Variants in TMCC1 observed in about 807,000 individuals in gnomAD.
TMCC1 encodes the protein transmembrane and coiled-coil domains protein 1.
In TMCC1, 15 loss-of-function variants were observed where a neutral mutation model predicts 52.4. The ratio of observed to expected loss-of-function variants is 0.29; its 90% confidence interval spans 0.19 to 0.44. TMCC1 has a LOEUF of 0.44. Ranked by LOEUF, TMCC1 falls within the 20% of genes least tolerant of loss-of-function variation. TMCC1 has a pLI of 1.00. For missense variants in TMCC1, 503 were observed against 806.0 expected, an observed-to-expected ratio of 0.62 and a Z score of 4.55; for synonymous variants, 279 against 301.9, an observed-to-expected ratio of 0.92 and a Z score of 0.79.
intron 2 of TMCC1, among the ~76,000 whole-genome samples, chr3:129,870,090 T>A (rs925222835): frequency 2.0e-5 from 3 of 152,162 alleles, no homozygotes; most frequent in African/African-American, 7.2e-5. Context: ...CCTCAAAATA[T>A]GTTCTTGAAA....
In TMCC1 at chr3:129,703,785, C is replaced by T. The variant is rs74281806; in HGVS notation, c.577-32521G>A. ...TGAGGAGGAGAATTTGGGGAATTAG[C>T]TGAAGTTTAGGGTAAAGAAAATGAT... On this transcript the variant is annotated intron_variant, in intron 4 of 6. Coordinates refer to ENST00000393238, the MANE Select transcript of TMCC1 (RefSeq NM_001017395.5). Among the ~76,000 whole-genome samples, 34 of 152,206 alleles carry T rather than the reference C, an allele frequency of 2.2e-4. No homozygotes were observed. In the East Asian group the frequency reaches 6.6e-3, roughly 29 times the overall value.
At chr3:129,866,747 C>G (rs1046610193) in intron 2 of TMCC1, among the ~76,000 whole-genome samples, 9 of 152,004 alleles carry the variant, frequency 5.9e-5, no homozygotes, top group African/African-American at 2.2e-4. Flanking sequence ...ATAAGAAATT[C>G]AATACATTTG....
At chr3:129,836,638 C>T (rs1386213787) in intron 2 of TMCC1, among the ~76,000 whole-genome samples, 1 of 152,204 alleles carries the variant, frequency 6.6e-6, no homozygotes, top group African/African-American at 2.4e-5. Context: ...GCTAGACAGG[C>T]ACCTAAAAGC....
Position 129,709,497 on chromosome 3 carries a change from A to AAAAAAAAAAGAG in TMCC1, c.577-38234_577-38233insCTCTTTTTTTTT, listed in dbSNP as rs554837910. Reference sequence around the variant, plus strand: ...CTCAAAAAAAAAAAAAAAAAAAAAAAAGAGAGAGAGAGAGAAACTTTAAAT... The same window carrying AAAAAAAAAAGAG: ...CTCAAAAAAAAAAAAAAAAAAAAAAAAAAAAAAAAGAGAGAGAGAGAGAGAGAAACTTTAAAT... On this transcript the variant is annotated intron_variant, in intron 4 of 6. Coordinates refer to ENST00000393238, the MANE Select transcript of TMCC1 (RefSeq NM_001017395.5). Among the ~76,000 whole-genome samples, 11 of 64,074 alleles carry AAAAAAAAAAGAG rather than the reference A, an allele frequency of 1.7e-4. 3 individuals are homozygous for AAAAAAAAAAGAG. Among genetic ancestry groups the AAAAAAAAAAGAG allele is most frequent in the Admixed American group, 5.9e-4 (2 of 3,376 alleles). The allele number at this position is 64,074 out of a possible 152,430, so 42.0% of individuals were successfully genotyped here.
At chr3:129,889,921 T>TAAAA (rs3042659) in intron 1 of TMCC1, among the ~76,000 whole-genome samples, 1 of 134,930 alleles carries the variant, frequency 7.4e-6, no homozygotes, top group African/African-American at 2.7e-5. Context: ...GTAGCAAAGT[T>TAAAA]AAAAAAAAAA....
At chr3:129,689,059 C>T (rs549759465) in intron 4 of TMCC1, among the ~76,000 whole-genome samples, 2 of 152,280 alleles carry the variant, frequency 1.3e-5, no homozygotes, top group Admixed American at 6.5e-5. Context: ...TGTTTCTTCT[C>T]TTATTTTTCA....
Position 129,659,647 on chromosome 3 carries a change from C to G in TMCC1, c.1512-4544G>C, listed in dbSNP as rs543368501. Among the ~76,000 whole-genome samples the G allele has an allele frequency of 2.0e-5, 3 of 152,234 alleles. No homozygotes were observed. In the South Asian group the frequency reaches 6.2e-4, roughly 32 times the overall value. On this transcript the variant is annotated intron_variant, in intron 5 of 6. Coordinates refer to ENST00000393238, the MANE Select transcript of TMCC1 (RefSeq NM_001017395.5). ...AACACTTTTGAACCTTACAATAAAC[C>G]AATGTTTATCATAAGAAGGTTGCAA...
chr3:129,693,679 G>A (rs2047190145), intron 4 of TMCC1, among the ~76,000 whole-genome samples: 1 of 151,550 alleles, frequency 6.6e-6, no homozygotes, highest in African/African-American at 2.4e-5. Context: ...ATTTTTTGTG[G>A]CTATATGAGG....
Position 129,787,723 on chromosome 3 carries a change from G to A in TMCC1, c.576+40080C>T, listed in dbSNP as rs564301466. ...ATGCTTAATTTATCCAAAAAGAGAT[G>A]CATTTAAACAAGTTTTTAAAGTGTT... On this transcript the variant is annotated intron_variant, in intron 4 of 6. Coordinates refer to ENST00000393238, the MANE Select transcript of TMCC1 (RefSeq NM_001017395.5). Among the ~76,000 whole-genome samples, 7 of 152,226 alleles carry A rather than the reference G, an allele frequency of 4.6e-5. No homozygotes were observed. The East Asian group carries it at 1.4e-3, about 29-fold the overall frequency.
chr3:129,845,294 A>G (rs965735412), intron 2 of TMCC1, among the ~76,000 whole-genome samples: 2 of 152,150 alleles, frequency 1.3e-5, no homozygotes, highest in Non-Finnish European at 2.9e-5. Flanking sequence ...TTAAATATGA[A>G]CCAATAAGCA....
chr3:129,835,481 C>A (rs2059118617), intron 2 of TMCC1, among the ~76,000 whole-genome samples: 1 of 152,028 alleles, frequency 6.6e-6, no homozygotes. Context: ...AGAGATATAT[C>A]AAACAACATT....
intron 2 of TMCC1, among the ~76,000 whole-genome samples, chr3:129,854,002 C>T (rs561450482): frequency 2.0e-5 from 3 of 152,262 alleles, no homozygotes; most frequent in Admixed American, 2.0e-4. Context: ...AATGAGCCAC[C>T]ATTACCTATC....
intron 1 of TMCC1, among the ~76,000 whole-genome samples, chr3:129,887,912 A>T (rs2061792684): frequency 6.6e-6 from 1 of 152,248 alleles, no homozygotes; most frequent in African/African-American, 2.4e-5. Context: ...ATTAGGAGAT[A>T]AAGGTAGCTC....
chr3:129,831,419 C>T lies in TMCC1; in HGVS notation c.-131+1355G>A, dbSNP rs1167296778. 2.0e-5 allele frequency among the ~76,000 whole-genome samples: 3 copies of T among 152,086 alleles called. No individual in the cohort carries two copies. The East Asian group carries it at 5.8e-4, about 29-fold the overall frequency. ...AAAGGCAAAACTTACCTTAATCATA[C>T]CAGCACATAGCCTCACTTAGCATGC... is the stretch of plus-strand genomic sequence containing the variant. On this transcript the variant is annotated intron_variant, in intron 3 of 6. Coordinates refer to ENST00000393238, the MANE Select transcript of TMCC1 (RefSeq NM_001017395.5).
At chr3:129,711,826 T>TGA (rs1553840377) in intron 4 of TMCC1, among the ~76,000 whole-genome samples, 1 of 118,730 alleles carries the variant, frequency 8.4e-6, no homozygotes, top group Non-Finnish European at 1.7e-5. Flanking sequence ...CCGTCTCTAC[T>TGA]AAAAAAAAAA....
intron 4 of TMCC1, among the ~76,000 whole-genome samples, chr3:129,755,930 T>A (rs1352182644): frequency 6.6e-6 from 1 of 152,010 alleles, no homozygotes; most frequent in African/African-American, 2.4e-5. Flanking sequence ...AAACCCTGTC[T>A]CTCCTAAAAA....
intron 4 of TMCC1, among the ~76,000 whole-genome samples, chr3:129,818,502 A>G (rs1453994220): frequency 1.1e-4 from 3 of 27,698 alleles, no homozygotes; most frequent in Non-Finnish European, 1.9e-4. Flanking sequence ...AAAAGTTTTA[A>G]AGAAACTTTT....
intron 4 of TMCC1, among the ~76,000 whole-genome samples, chr3:129,823,708 G>A (rs772517010): frequency 8.5e-5 from 13 of 152,104 alleles, no homozygotes; most frequent in Non-Finnish European, 1.3e-4. Flanking sequence ...CTATCCCTCC[G>A]TCTATCTATC....
At chr3:129,716,162 CTTTGTTTTTT>C (rs1034265110) in intron 4 of TMCC1, among the ~76,000 whole-genome samples, 46 of 18,940 alleles carry the variant, frequency 2.4e-3, no homozygotes, top group African/African-American at 6.6e-3. Context: ...TTTCTTTTTT[CTTTGTTTTTT>C]TTTTTTTGAG....
Sources: allele counts gnomAD v4.1 joint callset (sites outside exome capture counted in the v4.1 genomes callset), GRCh38; gene constraint gnomAD v4.1.1; transcripts MANE v1.5; gene names NCBI Gene and HGNC (gene_info 2026-07-23, HGNC 2026-07-21).